The following AKAP19 variants were observed in gnomAD, a reference collection of about 807,000 sequenced individuals.
AKAP19 encodes the protein small A-kinase anchoring protein.
the AKAP19 span, among the ~76,000 whole-genome samples, chr2:189,906,102 A>G: frequency 2.6e-3 from 397 of 152,194 alleles, no homozygotes; most frequent in Non-Finnish European, 4.6e-3. Context: ...TATGCTGAGT[A>G]GCCTCCTACT....
At chr2:190,033,229 A>G in the AKAP19 span, among the ~76,000 whole-genome samples, 3 of 152,204 alleles carry the variant, frequency 2.0e-5, no homozygotes, top group Non-Finnish European at 4.4e-5. Flanking sequence ...TAAATTATAT[A>G]TACTCTAGTG....
chr2:190,080,638 G>A, the AKAP19 span, among the ~76,000 whole-genome samples: 4 of 152,354 alleles, frequency 2.6e-5, no homozygotes, highest in Admixed American at 1.3e-4. Context: ...TTCAATTCAA[G>A]GAACATTTAT....
chr2:190,191,928 CTGTGT>C, the AKAP19 span, among the ~76,000 whole-genome samples: 1 of 151,030 alleles, frequency 6.6e-6, no homozygotes. Context: ...AATCTTTTAA[CTGTGT>C]TTTTTTTTCC....
At chr2:190,154,016 T>C in the AKAP19 span, among the ~76,000 whole-genome samples, 1 of 152,242 alleles carries the variant, frequency 6.6e-6, no homozygotes, top group South Asian at 2.1e-4. Flanking sequence ...TTGCAACATA[T>C]GTAAGCAATA....
chr2:190,181,370 C>T, the AKAP19 span: 1 of 155,514 alleles, frequency 6.4e-6, no homozygotes, highest in Admixed American at 6.5e-5. Context: ...GTTGCAATTC[C>T]ACCCTGCTGC....
the AKAP19 span, among the ~76,000 whole-genome samples, chr2:190,084,463 G>A: frequency 6.6e-6 from 1 of 152,162 alleles, no homozygotes. Context: ...CTGATGGGAA[G>A]TATAGTTTAT....
At chr2:190,122,471 C>T in the AKAP19 span, among the ~76,000 whole-genome samples, 7 of 152,326 alleles carry the variant, frequency 4.6e-5, no homozygotes, top group Admixed American at 2.0e-4. Flanking sequence ...ACACTGGTTG[C>T]ACTAACTTAG....
chr2:190,170,216 A>T, the AKAP19 span, among the ~76,000 whole-genome samples: 1 of 152,204 alleles, frequency 6.6e-6, no homozygotes, highest in Non-Finnish European at 1.5e-5. Context: ...CACCCTCGTG[A>T]CCTAATTACT....
the AKAP19 span, among the ~76,000 whole-genome samples, chr2:189,885,851 C>G: frequency 6.6e-6 from 1 of 151,978 alleles, no homozygotes; most frequent in Non-Finnish European, 1.5e-5. Flanking sequence ...TCTTGTCACC[C>G]AGGCTGGAGT....
the AKAP19 span, among the ~76,000 whole-genome samples, chr2:190,141,238 C>T: frequency 1.3e-5 from 2 of 152,168 alleles, no homozygotes; most frequent in East Asian, 3.8e-4. Context: ...TCCTTATTTT[C>T]CTGTCTTCTT....
At chr2:190,073,433 T>A in the AKAP19 span, among the ~76,000 whole-genome samples, 2 of 152,240 alleles carry the variant, frequency 1.3e-5, no homozygotes, top group East Asian at 3.9e-4. Flanking sequence ...GCAAATAGAA[T>A]TATGGGAAAC....
the AKAP19 span, among the ~76,000 whole-genome samples, chr2:189,903,971 A>G: frequency 6.6e-6 from 1 of 152,074 alleles, no homozygotes; most frequent in Non-Finnish European, 1.5e-5. Context: ...GATTATGTGT[A>G]TAACTTGTAG....
chr2:189,883,262 A>G, the AKAP19 span, among the ~76,000 whole-genome samples: 1 of 152,220 alleles, frequency 6.6e-6, no homozygotes, highest in African/African-American at 2.4e-5. Context: ...ACACTTGGAG[A>G]ACCACTGCTC....
chr2:189,896,353 A>G, the AKAP19 span, among the ~76,000 whole-genome samples: 13 of 152,176 alleles, frequency 8.5e-5, no homozygotes, highest in Admixed American at 3.3e-4. Flanking sequence ...TGATTTTCAT[A>G]ACAACAAATA....
chr2:189,920,095 C>T, the AKAP19 span, among the ~76,000 whole-genome samples: 10 of 152,216 alleles, frequency 6.6e-5, no homozygotes, highest in Admixed American at 6.5e-4. Context: ...TTTCTATGCC[C>T]TCACCATTGC....
the AKAP19 span, among the ~76,000 whole-genome samples, chr2:189,977,276 A>G: frequency 1.3e-5 from 2 of 152,244 alleles, no homozygotes; most frequent in Admixed American, 1.3e-4. Context: ...TGTGCTGAAT[A>G]TATAATGTAA....
chr2:189,924,288 C>A, the AKAP19 span: 1 of 1,066,236 alleles, frequency 9.4e-7, no homozygotes, highest in East Asian at 2.4e-5. Flanking sequence ...TCAAATTTTT[C>A]ACCAGATCCT....
chr2:189,956,177 C>CTTTTTCT, the AKAP19 span, among the ~76,000 whole-genome samples: 8 of 122,946 alleles, frequency 6.5e-5, no homozygotes, highest in African/African-American at 2.5e-4. Context: ...TCTTTTTTTT[C>CTTTTTCT]TTTTTTTTTT....
At chr2:190,040,990 C>T in the AKAP19 span, among the ~76,000 whole-genome samples, 4 of 151,988 alleles carry the variant, frequency 2.6e-5, no homozygotes, top group South Asian at 2.1e-4. Context: ...TGCTTAGGAT[C>T]GCCTTGGCTA....
Sources: allele counts gnomAD v4.1 joint callset (sites outside exome capture counted in the v4.1 genomes callset), GRCh38; gene constraint gnomAD v4.1.1; transcripts MANE v1.5; gene names NCBI Gene and HGNC (gene_info 2026-07-23, HGNC 2026-07-21).